ITGA3: variants seen among roughly 807,000 people sequenced by gnomAD.
ITGA3 encodes integrin alpha-3.
A neutral mutation model predicts 131.1 loss-of-function variants in ITGA3; 70 were observed. The ratio of observed to expected loss-of-function variants is 0.53; its 90% CI spans 0.44 to 0.65. The LOEUF is 0.65. Ranked by LOEUF, ITGA3 falls within the 30% of genes least tolerant of loss-of-function variation. The probability of loss-of-function intolerance (pLI) is 0.00; values close to 1 mark genes in which losing one functional copy is unlikely to be tolerated. For synonymous variants in ITGA3, 537 were observed against 571.6 expected (o/e 0.94, Z 0.86); for missense variants, 1,098 against 1,388.6 (o/e 0.79, Z 3.33).
intron 15 of ITGA3, 70 bp downstream of exon 15, chr17:50,077,191 C>T (rs1478535794): frequency 1.4e-6 from 2 of 1,461,460 alleles, no homozygotes; most frequent in Non-Finnish European, 1.8e-6. Flanking sequence ...ATATCCATGT[C>T]CTGTGCAGGT....
intron 22 of ITGA3, among the ~76,000 whole-genome samples, chr17:50,080,908 A>T (rs1164677174): frequency 1.3e-5 from 2 of 152,186 alleles, no homozygotes; most frequent in African/African-American, 4.8e-5. Context: ...AATCTTTTCA[A>T]CTTGGCGGGC....
Position 50,089,230 on chromosome 17 carries a change from G to T in ITGA3, c.*152G>T. ...CACCCTGCCCACCAAGAAGCACTGG[G>T]TGACCAGCTGGCAGACTCGGGACCA... On this transcript the variant is annotated 3_prime_UTR_variant, in exon 26 of 26. Coordinates refer to ENST00000320031, the MANE Select transcript of ITGA3 (RefSeq NM_002204.4). 6.2e-7 allele frequency: 1 copy of T among 1,613,690 alleles called. No homozygotes were observed. The highest frequency in any genetic ancestry group is 8.5e-7 in the Non-Finnish European group (1 of 1,179,962).
chr17:50,087,677 G>A, intron 23 of ITGA3, 67 bp from the exon 24 acceptor site: 1 of 1,535,588 alleles, frequency 6.5e-7, no homozygotes, highest in South Asian at 1.2e-5. Flanking sequence ...GCCCAGCTAG[G>A]ATAGGAAGGG....
intron 1 of ITGA3, among the ~76,000 whole-genome samples, chr17:50,061,579 G>A (rs913229736): frequency 2.6e-5 from 4 of 152,180 alleles, no homozygotes; most frequent in Admixed American, 1.3e-4. Flanking sequence ...CTGAGCCCCC[G>A]CTGTAGAGTG....
intron 8 of ITGA3, 44 bp from the exon 9 acceptor site, chr17:50,074,100 C>T (rs779593402): frequency 6.3e-7 from 1 of 1,576,666 alleles, no homozygotes; most frequent in Non-Finnish European, 8.7e-7. Flanking sequence ...CCCCCTGGGC[C>T]CTGCTCCCCA....
At position 50,083,845 on chromosome 17, in the gene ITGA3, C is replaced by T. The variant is rs145027484; in HGVS notation, c.2919+2437C>T. 6.8e-3 allele frequency among the ~76,000 whole-genome samples: 1,036 copies of T among 151,744 alleles called. 5 individuals carry two copies. The highest frequency in any genetic ancestry group is 0.011 in the Non-Finnish European group (770 of 67,926). On this transcript the variant is annotated intron_variant, in intron 23 of 25. Transcript: ENST00000320031. ...ATATATAAAGGATATCAATTGGCAGCGTACATAGGGTGAAATACAAATGTT... is the reference window on the plus strand; with the variant it reads ...ATATATAAAGGATATCAATTGGCAGTGTACATAGGGTGAAATACAAATGTT...
intron 1 of ITGA3, among the ~76,000 whole-genome samples, chr17:50,057,692 T>C (rs958989734): frequency 6.6e-6 from 1 of 152,184 alleles, no homozygotes; most frequent in Non-Finnish European, 1.5e-5. Context: ...TGCCCCCACC[T>C]AGCCTCTGCC....
intron 23 of ITGA3, among the ~76,000 whole-genome samples, chr17:50,083,491 G>T (rs1419924832): frequency 2.0e-5 from 3 of 151,814 alleles, no homozygotes; most frequent in Non-Finnish European, 4.4e-5. Context: ...TGGAGACTGA[G>T]GCAGGCAGGT....
Position 50,068,080 on chromosome 17 carries a change from G to A in ITGA3, c.439G>A (p.Val147Met), listed in dbSNP as rs1908418393. The change falls in exon 4 of 26, where the codon GTG (valine) becomes ATG (methionine). Residue 147 changes from valine to methionine, a missense_variant. Val to Met is a conservative substitution (Grantham distance 21). Coordinates refer to ENST00000320031, the MANE Select transcript of ITGA3 (RefSeq NM_002204.4). Reference protein sequence around the residue: ...VLVCAHRYTQVLWSGSEDQRR... With the variant: ...VLVCAHRYTQMLWSGSEDQRR... ...GGTCTGTGCCCACCGCTACACCCAGGTGCTGTGGTCAGGGTCAGAAGACCA... is the reference window on the plus strand; with the variant it reads ...GGTCTGTGCCCACCGCTACACCCAGATGCTGTGGTCAGGGTCAGAAGACCA... 6.2e-7 allele frequency: 1 copy of A among 1,614,110 alleles called. No homozygotes were observed. Among genetic ancestry groups the A allele is most frequent in the Non-Finnish European group, 8.5e-7 (1 of 1,180,052 alleles).
chr17:50,089,023 G>C, intron 25 of ITGA3, 87 bp from the exon 26 acceptor site: 2 of 1,002,080 alleles, frequency 2.0e-6, no homozygotes, highest in Admixed American at 3.6e-5. Context: ...GAGGAGTTCT[G>C]GGTGGGAGAG....
Position 50,073,924 on chromosome 17 carries a change from G to C in ITGA3, c.1165G>C (p.Val389Leu). Residue 389 changes from valine to leucine, a missense_variant, in exon 8 of 26, where the codon GTG becomes CTG. By Grantham distance (32) the Val-to-Leu change is conservative (BLOSUM62 1). Around this residue, in one of 3 missense-constraint regions of ITGA3, gnomAD observed 356 missense variants for 529.2 expected, o/e 0.67. Coordinates refer to ENST00000320031, the MANE Select transcript of ITGA3 (RefSeq NM_002204.4). ...TGCCTTTTCTTCTGCAGATATTGCT[G>C]TGGGAGCTCCGTTTGAAGGCTTGGG... ...INQDGFQDIA[V>L]GAPFEGLGKV... 1 of 1,614,008 alleles carries C rather than the reference G, an allele frequency of 6.2e-7. No homozygotes were observed. Among genetic ancestry groups the C allele is most frequent in the Non-Finnish European group, 8.5e-7 (1 of 1,179,868 alleles).
At chr17:50,084,186 A>T (rs2144314561) in intron 23 of ITGA3, among the ~76,000 whole-genome samples, 1 of 132,692 alleles carries the variant, frequency 7.5e-6, no homozygotes, top group East Asian at 2.5e-4. Context: ...AGCCAAGATC[A>T]CTCCACTGCA....
chr17:50,089,080 A>G (rs779462913), intron 25 of ITGA3, 30 bp from the exon 26 acceptor site: 2 of 1,596,886 alleles, frequency 1.3e-6, no homozygotes, highest in East Asian at 4.5e-5. Flanking sequence ...CTGGATGCTA[A>G]TGTTCTTTCT....
chr17:50,060,045 C>A (rs554687620), intron 1 of ITGA3, among the ~76,000 whole-genome samples: 4 of 152,262 alleles, frequency 2.6e-5, no homozygotes, highest in Non-Finnish European at 4.4e-5. Flanking sequence ...CAGGGCCGGC[C>A]TCTGGGGAGA....
rs1454469729 is a variant in ITGA3 at position 50,079,465 on chromosome 17, C to T, written c.2614C>T (p.Arg872Cys). 5 of 1,577,110 alleles carry T rather than the reference C, an allele frequency of 3.2e-6. No homozygotes were observed. Among genetic ancestry groups the T allele is most frequent in the African/African-American group, 1.4e-5 (1 of 73,566 alleles). ...DPGDRPSSPQ[R>C]RRRQLDPGGG... The stretch of plus-strand genomic sequence containing the variant: ...TGGGGACAGGCCATCATCCCCACAG[C>T]GCAGGCGGCGACAGCTGGATCCAGG... Residue 872 changes from arginine (R) to cysteine (C), a missense_variant, in exon 21 of 26, where the codon CGC (arginine) becomes TGC (cysteine). By Grantham distance (180) the Arg-to-Cys change is radical (BLOSUM62 -3). This residue lies in a region of ITGA3 where 699 missense variants were observed against 829.2 expected (regional missense o/e 0.84). Transcript: ENST00000320031.
intron 23 of ITGA3, among the ~76,000 whole-genome samples, chr17:50,084,340 A>AG (rs1272939057): frequency 6.6e-6 from 1 of 151,952 alleles, no homozygotes; most frequent in African/African-American, 2.4e-5. Flanking sequence ...TAGGAGACGA[A>AG]GTTTTCAGTA....
At position 50,064,194 on chromosome 17, in the gene ITGA3, C is replaced by T. The variant is rs1908220636; in HGVS notation, c.324C>T (p.Ile108=). 1.9e-6 allele frequency: 3 copies of T among 1,607,474 alleles called. No homozygotes were observed. Among genetic ancestry groups the T allele is most frequent in the East Asian group, 2.2e-5 (1 of 44,724 alleles). ...AHKDDCERMN[I]TVKNDPGHHI... The stretch of plus-strand genomic sequence containing the variant: ...AGGATGACTGTGAGCGGATGAACAT[C>T]ACAGTGAAAAGTGAGGGGAAGGGGC... Residue 108 remains isoleucine, a synonymous_variant, in exon 2 of 26, where the codon ATC becomes ATT. Transcript: ENST00000320031. This position sits in a 1 kb window ranked among gnomAD's most constrained non-coding sequence, Gnocchi z 4.4.
intron 18 of ITGA3, among the ~76,000 whole-genome samples, 160 bp downstream of exon 18, chr17:50,078,444 A>G (rs532030994): frequency 9.6e-4 from 146 of 151,988 alleles, no homozygotes; most frequent in Non-Finnish European, 1.3e-3. Flanking sequence ...AACAACAATC[A>G]CTATCGTTAC....
rs527732998 is a variant in ITGA3, at chr17:50,060,203, G to T, written c.206+3558G>T. ...GATAGGAGGGGAACACAGGAGGCTA[G>T]GTACCCAAGGAGTGAGGCCCTGCCA... On this transcript the variant is annotated intron_variant, in intron 1 of 25. Transcript: ENST00000320031. Among the ~76,000 whole-genome samples, 4 of 152,294 alleles carry T rather than the reference G, an allele frequency of 2.6e-5. No individual in the cohort carries two copies. The South Asian group carries it at 8.3e-4, about 32-fold the overall frequency.
Sources: gnomAD v4.1 joint callset for allele counts (sites outside exome capture counted in the v4.1 genomes callset) on GRCh38, gnomAD v4.1.1 for gene constraint, gnomAD v4.1.1 regional missense constraint, Gnocchi (gnomAD v3.1) non-coding constraint, MANE v1.5 for transcripts, NCBI Gene and HGNC (gene_info 2026-07-23, HGNC 2026-07-21) for gene names.